Variants in AGXT observed in about 807,000 individuals in gnomAD.
The protein encoded by AGXT is alanine--glyoxylate aminotransferase, also known as L-alanine: glyoxylate aminotransferase 1.
AGXT carries 41 observed loss-of-function variants against 46.9 expected under a neutral mutation model. That is an observed-to-expected ratio of 0.88 (90% confidence interval 0.68 to 1.14). The LOEUF is 1.14. AGXT is among the 50% of genes most tolerant of loss of function. The pLI, the probability that AGXT is intolerant of heterozygous loss-of-function variation, is 0.00. For missense variants in AGXT, 525 were observed against 522.7 expected (o/e 1.00, Z -0.04); for synonymous variants, 244 against 227.9 (o/e 1.07, Z -0.64).
At chr2:240,875,749 C>G (rs2059021277) in intron 7 of AGXT, among the ~76,000 whole-genome samples, 186 bp from the exon 8 acceptor site, 1 of 152,256 alleles carries the variant, frequency 6.6e-6, no homozygotes, top group Non-Finnish European at 1.5e-5. Context: ...ACAAGCCATG[C>G]TCTCCCTGGC....
At chr2:240,874,365 G>A (rs10933640) in intron 6 of AGXT, among the ~76,000 whole-genome samples, 74,316 of 151,948 alleles carry the variant, frequency 0.49, 18,583 homozygotes, top group African/African-American at 0.59. Context: ...TGCCCTGACC[G>A]GCCTCTGCCC....
At position 240,868,896 on chromosome 2, in the gene AGXT, C is replaced by T. The variant is rs375712696; in HGVS notation, c.31C>T (p.Pro11Ser). 65 of 1,612,982 alleles carry T rather than the reference C, an allele frequency of 4.0e-5. No individual in the cohort carries two copies. Among genetic ancestry groups the T allele is most frequent in the Admixed American group, 1.7e-4 (10 of 59,994 alleles). The change falls in exon 1 of 11, where the codon CCC becomes TCC. Residue 11 changes from proline (P) to serine (S), a missense_variant. Coordinates refer to ENST00000307503, the MANE Select transcript of AGXT (RefSeq NM_000030.3). MASHKLLVTP[P>S]KALLKPLSIP... The stretch of plus-strand genomic sequence containing the variant: ...CTCTCACAAGCTGCTGGTGACCCCC[C>T]CCAAGGCCCTGCTCAAGCCCCTCTC...
chr2:240,875,736 T>C (rs1239836376), intron 7 of AGXT, among the ~76,000 whole-genome samples, 199 bp from the exon 8 acceptor site: 1 of 152,118 alleles, frequency 6.6e-6, no homozygotes, highest in Non-Finnish European at 1.5e-5. Flanking sequence ...GGCTGGGCCC[T>C]ACACAAGCCA....
chr2:240,880,067 C>T lies in AGXT; in HGVS notation c.*1246C>T, dbSNP rs1192189353. ...CATCTGGGTTATTTCTATTTTGGGG[C>T]TGTTATGAATACGGAGGTAGTGAAA... is the stretch of plus-strand genomic sequence containing the variant. On this transcript the variant is annotated 3_prime_UTR_variant, in exon 11 of 11. Transcript: ENST00000307503. 1.3e-5 allele frequency: 2 copies of T among 152,158 alleles called. No homozygotes were observed. The highest frequency in any genetic ancestry group is 2.9e-5 in the Non-Finnish European group (2 of 68,038). 9.4% of individuals were successfully genotyped at this position (152,158 alleles called of 1,614,324 possible).
chr2:240,873,580 C>T (rs554585717), intron 5 of AGXT: 15 of 301,224 alleles, frequency 5.0e-5, no homozygotes, highest in African/African-American at 2.8e-4. Context: ...CCTGCCCACC[C>T]ACTCCATGGG....
chr2:240,873,216 T>G, intron 5 of AGXT, 167 bp downstream of exon 5: 1 of 626,394 alleles, frequency 1.6e-6, no homozygotes, highest in Non-Finnish European at 2.8e-6. Flanking sequence ...AGCGGCTCCA[T>G]GAACTACCCA....
rs769101845 is a variant in AGXT at position 240,871,469 on chromosome 2, G to T, written c.524+20G>T. 3.2e-6 allele frequency: 5 copies of T among 1,557,638 alleles called. No homozygotes were observed. The South Asian group carries it at 4.7e-5, about 15-fold the overall frequency. ...CCACAGGTGAGCCTGGCCCCAGGGC[G>T]GTGGACTGGAGCACAGCTCAGAGCC... On this transcript the variant is annotated intron_variant, in intron 4 of 10. Transcript: ENST00000307503.
rs1237671318 is a variant in AGXT at position 240,872,890 on chromosome 2, G to T, written c.525-89G>T. 4.2e-6 allele frequency: 5 copies of T among 1,198,676 alleles called. No homozygotes were observed. In the East Asian group the frequency reaches 7.0e-5, roughly 17 times the overall value. 74.3% of individuals were successfully genotyped at this position (1,198,676 alleles called of 1,614,324 possible). On this transcript the variant is annotated intron_variant, in intron 4 of 10. Coordinates refer to ENST00000307503, the MANE Select transcript of AGXT (RefSeq NM_000030.3). ...GCCCTGCCTTCCTTGCCAGCCTGAG[G>T]CTCAGAAACCCCATCCAGCCTGGGG...
rs1476806505 is a variant in AGXT at position 240,870,552 on chromosome 2, C to T, written c.359-92C>T. 6 of 1,474,114 alleles carry T rather than the reference C, an allele frequency of 4.1e-6. No individual in the cohort carries two copies. In the African/African-American group the frequency reaches 8.4e-5, roughly 21 times the overall value. 91.3% of individuals were successfully genotyped at this position (1,474,114 alleles called of 1,614,324 possible). The stretch of plus-strand genomic sequence containing the variant: ...GCCACGGTGGGTGGGGTCCAGCCCT[C>T]ACAGGGCCCTGCTCAGCAGGGCCAC... On this transcript the variant is annotated intron_variant, in intron 2 of 10. Transcript: ENST00000307503.
chr2:240,870,668 A>C lies in AGXT; in HGVS notation c.383A>C (p.Lys128Thr), dbSNP rs1220520480. ...RIGARVHPMT[K>T]DPGGHYTLQE... ...GGAGCCCGAGTGCACCCGATGACCA[A>C]GGACCCTGGAGGCCACTACACACTG... The change falls in exon 3 of 11, where the codon AAG becomes ACG. Residue 128 changes from lysine to threonine, a missense_variant. Transcript: ENST00000307503. The C allele has an allele frequency of 6.4e-7, 1 of 1,555,262 alleles. No individual in the cohort carries two copies.
chr2:240,878,566 G>T lies in AGXT; in HGVS notation c.1072-148G>T. 7.9e-6 allele frequency: 6 copies of T among 757,954 alleles called. No individual in the cohort carries two copies. The South Asian group carries it at 1.0e-4, about 13-fold the overall frequency. The allele number at this position is 757,954 out of a possible 1,614,324, so 47.0% of individuals were successfully genotyped here. A position where few individuals can be genotyped will look rare whatever the true frequency, so the allele number is the denominator to read the frequency against. ...CTGGGTGCTCAAGGGCCCCCTCTGT[G>T]ACCTGCACAGGGCTGTCAACTCCCC... is the stretch of plus-strand genomic sequence containing the variant. On this transcript the variant is annotated intron_variant, in intron 10 of 10. Coordinates refer to ENST00000307503, the MANE Select transcript of AGXT (RefSeq NM_000030.3).
chr2:240,878,311 G>A (rs577027189), intron 10 of AGXT, among the ~76,000 whole-genome samples, 161 bp downstream of exon 10: 5 of 152,268 alleles, frequency 3.3e-5, no homozygotes, highest in African/African-American at 1.2e-4. Context: ...CCAGTAAAGC[G>A]TATCCTGTCG....
chr2:240,877,887 C>A, intron 9 of AGXT, 135 bp from the exon 10 acceptor site: 1 of 1,275,272 alleles, frequency 7.8e-7, no homozygotes, highest in Non-Finnish European at 1.1e-6. Context: ...GGGGTGGGGT[C>A]CCTGCTCTCT....
chr2:240,869,265 G>T lies in AGXT; in HGVS notation c.261G>T (p.Glu87Asp), dbSNP rs1470612217. 1 of 1,613,848 alleles carries T rather than the reference G, an allele frequency of 6.2e-7. No individual in the cohort carries two copies. The highest frequency in any genetic ancestry group is 2.2e-5 in the East Asian group (1 of 44,882). The change falls in exon 2 of 11, where the codon GAG becomes GAT. Residue 87 changes from glutamate to aspartate, a missense_variant. Glu to Asp is a conservative substitution (Grantham distance 45). Transcript: ENST00000307503. ...CTGGCTCGGGACACTGTGCCCTGGA[G>T]GCCGCCCTGGTCAATGTGCTGGAGC... ...VISGSGHCAL[E>D]AALVNVLEPG...
chr2:240,877,907 T>C, intron 9 of AGXT, 115 bp from the exon 10 acceptor site: 1 of 1,470,764 alleles, frequency 6.8e-7, no homozygotes, highest in Non-Finnish European at 9.3e-7. Flanking sequence ...TCCCGGCCCT[T>C]TCTCCCCCGG....
Position 240,879,197 on chromosome 2 carries a change from G to A in AGXT, c.*376G>A. The A allele has an allele frequency of 2.9e-6, 1 of 345,584 alleles. No homozygotes were observed. The highest frequency in any genetic ancestry group is 5.5e-6 in the Non-Finnish European group (1 of 181,326). 21.4% of individuals were successfully genotyped at this position (345,584 alleles called of 1,614,324 possible). A position where few individuals can be genotyped will look rare whatever the true frequency, so the allele number is the denominator to read the frequency against. On this transcript the variant is annotated 3_prime_UTR_variant, in exon 11 of 11. Transcript: ENST00000307503. ...GCTGCCTGATTGTGGACTTTAGGGG[G>A]ACACTCCTCATCCTGGAGCCCACAG... is the stretch of plus-strand genomic sequence containing the variant.
At chr2:240,875,040 C>A in intron 6 of AGXT, 69 bp from the exon 7 acceptor site, 1 of 1,370,900 alleles carries the variant, frequency 7.3e-7, no homozygotes, top group Non-Finnish European at 1.0e-6. Context: ...AACAGGACAG[C>A]CAGCGAGACT....
Position 240,875,924 on chromosome 2 carries a change from G to T in AGXT, c.777-11G>T, listed in dbSNP as rs572640218. ...CCATGGTGCTGGACCAAGCCCCCTC[G>T]TGTCTTCCAGGTACCATCACACAAT... is the stretch of plus-strand genomic sequence containing the variant. On this transcript the variant is annotated splice_polypyrimidine_tract_variant and intron_variant, in intron 7 of 10. Transcript: ENST00000307503. 5 of 1,614,108 alleles carry T rather than the reference G, an allele frequency of 3.1e-6. No homozygotes were observed. The highest frequency in any genetic ancestry group is 4.2e-6 in the Non-Finnish European group (5 of 1,179,986).
At chr2:240,873,905 A>G in intron 5 of AGXT, 73 bp from the exon 6 acceptor site, 2 of 1,334,616 alleles carry the variant, frequency 1.5e-6, no homozygotes, top group South Asian at 2.3e-5. Flanking sequence ...CCCATTAGCT[A>G]GGCAGGCATC....
Sources: gnomAD v4.1 joint callset for allele counts (sites outside exome capture counted in the v4.1 genomes callset) on GRCh38, gnomAD v4.1.1 for gene constraint, MANE v1.5 for transcripts, NCBI Gene and HGNC (gene_info 2026-07-23, HGNC 2026-07-21) for gene names.